The following NDST4 variants were observed in gnomAD, a reference collection of about 807,000 sequenced individuals.
NDST4 encodes N-deacetylase and N-sulfotransferase 4, also known as N-heparan sulfate sulfotransferase 4.
In NDST4, 63 loss-of-function variants were observed where a neutral mutation model predicts 100.8. The observed-to-expected ratio is 0.62, with a 90% CI of 0.51 to 0.77. The LOEUF is 0.77. NDST4 is among the 30% of genes least tolerant of loss of function. The pLI is 0.00. For missense variants in NDST4, 943 were observed against 1,018.4 expected, an observed-to-expected ratio of 0.93 and a Z score of 1.01; for synonymous variants, 377 against 361.8, an observed-to-expected ratio of 1.04 and a Z score of -0.48.
At chr4:115,079,897 A>T (rs1361661496) in intron 1 of NDST4, among the ~76,000 whole-genome samples, 1 of 152,174 alleles carries the variant, frequency 6.6e-6, no homozygotes, top group African/African-American at 2.4e-5. Context: ...TGATGTTGAA[A>T]TGGTTGTTTT....
At chr4:114,958,166 G>A (rs548042324) in intron 4 of NDST4, among the ~76,000 whole-genome samples, 5 of 152,262 alleles carry the variant, frequency 3.3e-5, no homozygotes, top group East Asian at 1.9e-4. Context: ...TGAGGGCTCC[G>A]CCCCTGCAGC....
chr4:114,945,809 A>G (rs1288957732), intron 4 of NDST4, among the ~76,000 whole-genome samples: 2 of 152,162 alleles, frequency 1.3e-5, no homozygotes, highest in Non-Finnish European at 2.9e-5. Flanking sequence ...CACTGTGTTT[A>G]GGGGACTGAA....
intron 2 of NDST4, among the ~76,000 whole-genome samples, chr4:115,053,386 T>C (rs72898615): frequency 0.012 from 1,836 of 152,234 alleles, 39 homozygotes; most frequent in African/African-American, 0.042. Context: ...ATTTAAGTAA[T>C]TTTCTGAAAC....
At position 114,848,608 on chromosome 4, in the gene NDST4, G is replaced by A. The variant is rs28654447; in HGVS notation, c.1817-270C>T. ...GATGATGCAGCTAGTGTGGCACTGCGGAAGTCATGCAGCTCAACTTTCCTC... is the reference window on the plus strand; with the variant it reads ...GATGATGCAGCTAGTGTGGCACTGCAGAAGTCATGCAGCTCAACTTTCCTC... On this transcript the variant is annotated intron_variant, in intron 8 of 13. Coordinates refer to ENST00000264363, the MANE Select transcript of NDST4 (RefSeq NM_022569.3). Among the ~76,000 whole-genome samples the A allele has an allele frequency of 2.1e-3, 320 of 152,274 alleles. 2 individuals are homozygous for A. Among genetic ancestry groups the A allele is most frequent in the African/African-American group, 7.3e-3 (302 of 41,564 alleles).
At chr4:114,963,266 A>G (rs2126237152) in intron 4 of NDST4, among the ~76,000 whole-genome samples, 1 of 152,300 alleles carries the variant, frequency 6.6e-6, no homozygotes, top group African/African-American at 2.4e-5. Context: ...GGAATGAAGT[A>G]CTGATATATG....
chr4:114,906,780 C>T (rs1384674596), intron 6 of NDST4, among the ~76,000 whole-genome samples: 2 of 151,884 alleles, frequency 1.3e-5, no homozygotes, highest in South Asian at 2.1e-4. Flanking sequence ...TAGACAAAAG[C>T]CATGCCTCCA....
intron 6 of NDST4, among the ~76,000 whole-genome samples, chr4:114,918,562 A>T (rs916391742): frequency 2.4e-3 from 17 of 7,232 alleles, no homozygotes; most frequent in African/African-American, 4.4e-3. Flanking sequence ...AAAATAAATA[A>T]AAAAAAAATA....
intron 6 of NDST4, among the ~76,000 whole-genome samples, chr4:114,874,721 G>C (rs1482649633): frequency 6.6e-6 from 1 of 152,124 alleles, no homozygotes; most frequent in Non-Finnish European, 1.5e-5. Context: ...GAGTATAGGT[G>C]TATAAGACAA....
rs182803921 is a variant in NDST4 at position 114,867,763 on chromosome 4, G to A, written c.1719+3005C>T. The stretch of plus-strand genomic sequence containing the variant: ...ATAAAGGACATGAATTAATGTACAC[G>A]AGTGAGTACAATTTTAAGAGTCTTA... On this transcript the variant is annotated intron_variant, in intron 7 of 13. Transcript: ENST00000264363. Among the ~76,000 whole-genome samples, 1,095 of 149,220 alleles carry A rather than the reference G, an allele frequency of 7.3e-3. 86 individuals are homozygous for A. The South Asian group carries it at 0.18, about 24-fold the overall frequency.
intron 6 of NDST4, among the ~76,000 whole-genome samples, chr4:114,897,148 T>A (rs957465608): frequency 4.6e-5 from 7 of 152,150 alleles, no homozygotes; most frequent in African/African-American, 1.7e-4. Flanking sequence ...TTATATAGAT[T>A]TAGACAGATG....
intron 9 of NDST4, among the ~76,000 whole-genome samples, chr4:114,846,877 TC>T (rs1374622362): frequency 1.3e-5 from 2 of 152,160 alleles, no homozygotes; most frequent in Non-Finnish European, 2.9e-5. Flanking sequence ...CAATTTGTGT[TC>T]CATTTGGGCT....
rs536212005 is a variant in NDST4, at chr4:114,924,442, A to G, written c.1536+10764T>C. Among the ~76,000 whole-genome samples the G allele has an allele frequency of 4.6e-5, 7 of 151,954 alleles. No individual in the cohort carries two copies. The East Asian group carries it at 1.4e-3, about 29-fold the overall frequency. ...GCAAATCTTTAAGGATAGAAAAAAA[A>G]AAAGAAGATAAAGGAAAAAAAAAAA... On this transcript the variant is annotated intron_variant, in intron 6 of 13. Coordinates refer to ENST00000264363, the MANE Select transcript of NDST4 (RefSeq NM_022569.3).
chr4:114,964,722 A>G (rs535853844), intron 4 of NDST4, among the ~76,000 whole-genome samples: 1 of 152,316 alleles, frequency 6.6e-6, no homozygotes, highest in African/African-American at 2.4e-5. Context: ...CGTCTTGACT[A>G]AAGCTTAATG....
chr4:114,901,418 G>A (rs1724835732), intron 6 of NDST4, among the ~76,000 whole-genome samples: 1 of 151,876 alleles, frequency 6.6e-6, no homozygotes, highest in Admixed American at 6.6e-5. Flanking sequence ...TTGTTCTGAA[G>A]CCTGCTCTGT....
At chr4:114,866,975 T>C (rs1332056629) in intron 7 of NDST4, among the ~76,000 whole-genome samples, 1 of 152,170 alleles carries the variant, frequency 6.6e-6, no homozygotes. Flanking sequence ...GTATACTTGC[T>C]TTTTTAATTG....
chr4:114,839,698 ATACT>A lies in NDST4; in HGVS notation c.2116-154_2116-151del, dbSNP rs139702044. 2.8e-3 allele frequency: 1,693 copies of A among 605,478 alleles called. 2 individuals are homozygous for A. Among genetic ancestry groups the A allele is most frequent in the African/African-American group, 5.4e-3 (297 of 54,520 alleles). The allele number at this position is 605,478 out of a possible 1,614,324, so 37.5% of individuals were successfully genotyped here. Reference sequence around the variant, plus strand: ...ATGTCACAAAATAATAACAAATCAAATACTTAATTTTAGAATGAAAATAAACTAA... The same window carrying A: ...ATGTCACAAAATAATAACAAATCAAATAATTTTAGAATGAAAATAAACTAA... On this transcript the variant is annotated intron_variant, in intron 10 of 13. Coordinates refer to ENST00000264363, the MANE Select transcript of NDST4 (RefSeq NM_022569.3).
chr4:114,872,678 C>T (rs529253386), intron 6 of NDST4, among the ~76,000 whole-genome samples: 14 of 151,908 alleles, frequency 9.2e-5, no homozygotes, highest in Non-Finnish European at 1.9e-4. Flanking sequence ...AAGCCCTTTA[C>T]ATATATGAAA....
intron 11 of NDST4, 99 bp from the exon 12 acceptor site, chr4:114,833,814 G>C: frequency 1.5e-6 from 1 of 688,714 alleles, no homozygotes; most frequent in South Asian, 1.9e-5. Flanking sequence ...AATTAGATCA[G>C]TGTGAATAGG....
chr4:115,111,882 C>A (rs1430000504), intron 1 of NDST4, among the ~76,000 whole-genome samples: 1 of 151,744 alleles, frequency 6.6e-6, no homozygotes. Context: ...TAATATTGAT[C>A]ATCATAATGT....
Sources: allele counts gnomAD v4.1 joint callset (sites outside exome capture counted in the v4.1 genomes callset), GRCh38; gene constraint gnomAD v4.1.1; transcripts MANE v1.5; gene names NCBI Gene and HGNC (gene_info 2026-07-23, HGNC 2026-07-21).